TRPM3: variants seen among roughly 807,000 people sequenced by gnomAD.
TRPM3 encodes long transient receptor potential channel 3.
TRPM3 carries 77 observed loss-of-function variants against 181.2 expected under a neutral mutation model. That is an observed-to-expected ratio of 0.42 (90% CI 0.35 to 0.51). The LOEUF (loss-of-function observed/expected upper bound fraction) is 0.51. TRPM3 is among the 20% of genes least tolerant of loss of function. TRPM3 has a pLI of 0.01. For synonymous variants in TRPM3, 745 were observed against 796.4 expected, an observed-to-expected ratio of 0.94 and a Z score of 1.09; for missense variants, 1,759 against 2,196.7, an observed-to-expected ratio of 0.80 and a Z score of 3.98.
chr9:71,184,377 T>C (rs191642411), intron 1 of TRPM3, among the ~76,000 whole-genome samples: 1 of 152,252 alleles, frequency 6.6e-6, no homozygotes, highest in East Asian at 1.9e-4. Flanking sequence ...AAAGGAGTGT[T>C]AACTTGAAGG....
chr9:70,822,152 A>C (rs1450461448), intron 6 of TRPM3, among the ~76,000 whole-genome samples: 1 of 152,114 alleles, frequency 6.6e-6, no homozygotes, highest in Non-Finnish European at 1.5e-5. Context: ...TCCTACCCAC[A>C]TCTGTGCCCG....
chr9:70,940,848 T>C (rs111323841), intron 1 of TRPM3, among the ~76,000 whole-genome samples: 2,658 of 152,272 alleles, frequency 0.017, 46 homozygotes, highest in South Asian at 0.036. Flanking sequence ...TGTTTGCATT[T>C]GAATAACTGA....
chr9:71,166,413 G>T (rs1173154291), intron 1 of TRPM3, among the ~76,000 whole-genome samples: 1 of 152,040 alleles, frequency 6.6e-6, no homozygotes, highest in African/African-American at 2.4e-5. Flanking sequence ...CTCTCTAAGG[G>T]ATTAGGCCTT....
At chr9:71,069,855 G>GC (rs2062491177) in intron 1 of TRPM3, among the ~76,000 whole-genome samples, 1 of 151,860 alleles carries the variant, frequency 6.6e-6, no homozygotes, top group South Asian at 2.1e-4. Flanking sequence ...TGCTCCACCC[G>GC]CCTCGGCCTC....
At chr9:70,752,049 T>TGTGTGTGTGC (rs1273744922) in intron 8 of TRPM3, among the ~76,000 whole-genome samples, 28 of 116,426 alleles carry the variant, frequency 2.4e-4, no homozygotes, top group Middle Eastern at 4.1e-3. Context: ...TGTGTGTGTG[T>TGTGTGTGTGC]GCGCGCGCGC....
chr9:70,916,556 T>G (rs1244604786), intron 1 of TRPM3, among the ~76,000 whole-genome samples: 6 of 152,156 alleles, frequency 3.9e-5, no homozygotes, highest in Non-Finnish European at 7.4e-5. Context: ...GAAACCATTT[T>G]TATTTACTCA....
Position 70,553,263 on chromosome 9 carries a change from G to T in TRPM3, c.3271C>A (p.Leu1091Met). 6.2e-7 allele frequency: 1 copy of T among 1,614,162 alleles called. No individual in the cohort carries two copies. Among genetic ancestry groups the T allele is most frequent in the Non-Finnish European group, 8.5e-7 (1 of 1,180,040 alleles). Residue 1091 changes from leucine to methionine, a missense_variant, in exon 23 of 26, where the codon CTG becomes ATG. Around this residue, in one of 8 missense-constraint regions of TRPM3, gnomAD observed 94 missense variants for 221.3 expected, o/e 0.42. Coordinates refer to ENST00000677713, the MANE Select transcript of TRPM3 (RefSeq NM_001366145.2). ...ETREDGKIIQ[L>M]PPCKTGAWIV... ...CAAGCTCCTGTCTTGCAGGGAGGCA[G>T]CTGGATTATTTTACCATCCTCTCGG...
intron 1 of TRPM3, among the ~76,000 whole-genome samples, chr9:71,069,887 C>T (rs1247933662): frequency 6.6e-6 from 1 of 152,004 alleles, no homozygotes. Context: ...GGACTACAGG[C>T]GTGAGCCACA....
At chr9:71,017,201 T>G (rs2097791858) in intron 1 of TRPM3, among the ~76,000 whole-genome samples, 1 of 152,072 alleles carries the variant, frequency 6.6e-6, no homozygotes, top group Non-Finnish European at 1.5e-5. Flanking sequence ...ATATTTCTGC[T>G]TTGCTCAGTT....
intron 14 of TRPM3, among the ~76,000 whole-genome samples, chr9:70,624,415 C>G (rs545038870): frequency 6.6e-6 from 1 of 152,146 alleles, no homozygotes; most frequent in Non-Finnish European, 1.5e-5. Flanking sequence ...CCTGCCTCAG[C>G]CCCCTTAGTA....
intron 1 of TRPM3, among the ~76,000 whole-genome samples, chr9:71,095,119 C>A (rs1591371461): frequency 6.6e-6 from 1 of 152,262 alleles, no homozygotes; most frequent in South Asian, 2.1e-4. Context: ...TCGTTTTTAA[C>A]TGGAATAGGG....
chr9:71,404,611 T>C (rs2093402389), intron 1 of TRPM3, among the ~76,000 whole-genome samples: 2 of 152,196 alleles, frequency 1.3e-5, no homozygotes, highest in Non-Finnish European at 2.9e-5. Context: ...GTTGCCTTGC[T>C]GGCTCTGGTC....
At chr9:71,338,897 T>TA (rs2090761950) in intron 1 of TRPM3, among the ~76,000 whole-genome samples, 1 of 152,136 alleles carries the variant, frequency 6.6e-6, no homozygotes, top group Admixed American at 6.6e-5. Context: ...CTGAAGGTGT[T>TA]AACCAATTCA....
chr9:71,155,190 G>T (rs899595464), intron 1 of TRPM3, among the ~76,000 whole-genome samples: 1 of 152,108 alleles, frequency 6.6e-6, no homozygotes, highest in Non-Finnish European at 1.5e-5. Flanking sequence ...TGTGTCTACC[G>T]TTGGGAGAGC....
intron 1 of TRPM3, among the ~76,000 whole-genome samples, chr9:70,868,157 A>G (rs1589403727): frequency 6.6e-6 from 1 of 152,100 alleles, no homozygotes; most frequent in South Asian, 2.1e-4. Flanking sequence ...CTCTCTGTAT[A>G]TTCTTTTCTA....
At chr9:71,261,963 T>C (rs2083086394) in intron 1 of TRPM3, among the ~76,000 whole-genome samples, 1 of 152,184 alleles carries the variant, frequency 6.6e-6, no homozygotes, top group African/African-American at 2.4e-5. Context: ...GGCGTTTCCC[T>C]GTCAGGAGCC....
chr9:70,569,425 A>G (rs1018296701), intron 22 of TRPM3, among the ~76,000 whole-genome samples: 1 of 152,200 alleles, frequency 6.6e-6, no homozygotes, highest in Non-Finnish European at 1.5e-5. Context: ...AACAAAGCAA[A>G]ATCTTGTTTT....
intron 1 of TRPM3, among the ~76,000 whole-genome samples, chr9:70,932,921 G>A (rs944882223): frequency 4.6e-5 from 7 of 152,134 alleles, no homozygotes; most frequent in Non-Finnish European, 8.8e-5. Context: ...TAGGCTAGAG[G>A]TACTTTGATG....
At chr9:70,904,744 T>C (rs1378433869) in intron 1 of TRPM3, among the ~76,000 whole-genome samples, 1 of 152,232 alleles carries the variant, frequency 6.6e-6, no homozygotes, top group Non-Finnish European at 1.5e-5. Context: ...GAAGTTTTGC[T>C]GTAGAGACAG....
Sources: allele counts gnomAD v4.1 joint callset (sites outside exome capture counted in the v4.1 genomes callset), GRCh38; gene constraint gnomAD v4.1.1; regional missense constraint gnomAD v4.1.1; transcripts MANE v1.5; gene names NCBI Gene and HGNC (gene_info 2026-07-23, HGNC 2026-07-21).